TLR8: variants seen among roughly 807,000 people sequenced by gnomAD.
TLR8 encodes toll like receptor 8, also known as toll-like receptor 8.
A neutral mutation model predicts 18.5 loss-of-function variants in TLR8; 5 were observed. The ratio of observed to expected loss-of-function variants is 0.27; its 90% CI spans 0.14 to 0.57. The LOEUF (loss-of-function observed/expected upper bound fraction) is 0.57. Ranked by LOEUF, TLR8 falls within the 20% of genes least tolerant of loss-of-function variation. The pLI, the probability that TLR8 is intolerant of heterozygous loss-of-function variation, is 0.92. For synonymous variants in TLR8, 299 were observed against 300.1 expected (o/e 1.00, Z 0.04); for missense variants, 543 against 769.8 (o/e 0.71, Z 3.49).
rs770624249 is a variant in TLR8, at chrX:12,919,245, G to T, written c.205G>T (p.Asp69Tyr). The T allele has an allele frequency of 4.1e-6, 5 of 1,211,763 alleles. No individual in the cohort carries two copies. The highest frequency in any genetic ancestry group is 5.6e-6 in the Non-Finnish European group (5 of 895,491). ...QTVGKYVTEL[D>Y]LSDNFITHIT... is the part of the protein sequence containing the mutation. ...GGTGGGCAAATATGTGACAGAACTA[G>T]ACCTGTCTGATAATTTCATCACACA... The change falls in exon 2 of 2, where the codon GAC becomes TAC. Residue 69 changes from aspartate to tyrosine, a missense_variant. Physicochemically the swap from Asp to Tyr is radical, Grantham distance 160. Coordinates refer to ENST00000218032, the MANE Select transcript of TLR8 (RefSeq NM_138636.5).
intron 1 of TLR8, among the ~76,000 whole-genome samples, chrX:12,911,946 C>T (rs1369236043): frequency 2.7e-5 from 3 of 112,530 alleles, no homozygotes; most frequent in African/African-American, 9.7e-5. Flanking sequence ...TTCTTGTCAG[C>T]TGTTGTCTCC....
At position 12,922,811 on chromosome X, in the gene TLR8, T is replaced by C. The variant is rs1025857696; in HGVS notation, c.*645T>C. The C allele has an allele frequency of 1.2e-4, 14 of 112,193 alleles. No homozygotes were observed. The highest frequency in any genetic ancestry group is 4.5e-4 in the African/African-American group (14 of 30,853). 9.2% of individuals were successfully genotyped at this position (112,193 alleles called of 1,213,427 possible). Reference sequence around the variant, plus strand: ...AGGAGGCAGGGATCACTGTGGACCATCTTAGCAGTTGACCTAACACATCTT... The same window carrying C: ...AGGAGGCAGGGATCACTGTGGACCACCTTAGCAGTTGACCTAACACATCTT... On this transcript the variant is annotated 3_prime_UTR_variant, in exon 2 of 2. Transcript: ENST00000218032.
chrX:12,914,302 C>A (rs1399044612), intron 1 of TLR8, among the ~76,000 whole-genome samples: 1 of 111,475 alleles, frequency 9.0e-6, no homozygotes, highest in Non-Finnish European at 1.9e-5. Context: ...GAAAATTGTT[C>A]ATAAAACTGA....
In TLR8 at chrX:12,921,071, G is replaced by T. The variant is rs1232992427; in HGVS notation, c.2031G>T (p.Lys677Asn). ...TACATATAAATGATAATATGTTAAA[G>T]TTTTTTAACTGGACATTACTCCAGC... ...TELHINDNML[K>N]FFNWTLLQQF... Residue 677 changes from lysine to asparagine, a missense_variant, in exon 2 of 2, where the codon AAG (lysine) becomes AAT (asparagine). Around this residue, in one of 4 missense-constraint regions of TLR8, gnomAD observed 227 missense variants for 312.9 expected, o/e 0.73. Transcript: ENST00000218032. The T allele has an allele frequency of 8.3e-7, 1 of 1,211,193 alleles. No homozygotes were observed. The highest frequency in any genetic ancestry group is 2.2e-5 in the Admixed American group (1 of 45,964).
At chrX:12,913,906 C>A (rs1202579417) in intron 1 of TLR8, among the ~76,000 whole-genome samples, 1 of 112,370 alleles carries the variant, frequency 8.9e-6, no homozygotes, top group Non-Finnish European at 1.9e-5. Flanking sequence ...GGTTGAGTAT[C>A]TTTTCCTATG....
At chrX:12,918,967 C>G in intron 1 of TLR8, 77 bp from the exon 2 acceptor site, 1 of 1,050,022 alleles carries the variant, frequency 9.5e-7, no homozygotes, top group Non-Finnish European at 1.3e-6. Flanking sequence ...TATGGGGCAG[C>G]GCTGCTAATT....
chrX:12,914,777 A>G (rs755367827), intron 1 of TLR8, among the ~76,000 whole-genome samples: 1 of 112,069 alleles, frequency 8.9e-6, no homozygotes, highest in African/African-American at 3.2e-5. Context: ...GCCAGTGAAC[A>G]CTGTAGAATC....
intron 1 of TLR8, among the ~76,000 whole-genome samples, chrX:12,910,601 G>A (rs1310583224): frequency 1.8e-5 from 2 of 112,287 alleles, no homozygotes; most frequent in Non-Finnish European, 3.8e-5. Flanking sequence ...CCCTTCAGGC[G>A]AATTCTGGGT....
At chrX:12,910,303 T>C (rs1177644926) in intron 1 of TLR8, 1 of 1,140,168 alleles carries the variant, frequency 8.8e-7, no homozygotes, top group Admixed American at 3.0e-5. Context: ...TTATAATCAA[T>C]AGGTTCTCTT....
Position 12,919,908 on chromosome X carries a change from C to T in TLR8, c.868C>T (p.Arg290Ter), listed in dbSNP as rs866353276. The T allele has an allele frequency of 1.7e-6, 2 of 1,211,209 alleles. No homozygotes were observed. The highest frequency in any genetic ancestry group is 2.2e-6 in the Non-Finnish European group (2 of 895,183). The part of the protein sequence containing the change: ...RFAFQNLTQL[R>*]YLNLSSTSLR... ...TGCTTTTCAAAACTTGACCCAACTT[C>T]GATACCTAAACCTCTCTAGCACTTC... The change falls in exon 2 of 2, where the codon CGA becomes TGA. Residue 290 changes from arginine (R) to a stop codon, truncating the protein, a stop_gained. Transcript: ENST00000218032. LOFTEE classifies it low-confidence loss of function (END_TRUNC).
chrX:12,918,351 G>C (rs2043069557), intron 1 of TLR8, among the ~76,000 whole-genome samples: 1 of 111,567 alleles, frequency 9.0e-6, no homozygotes, highest in Non-Finnish European at 1.9e-5. Context: ...GTTTCATCAA[G>C]TGTCATGTCA....
In TLR8 at chrX:12,921,249, A is replaced by T. The variant is rs781506126; in HGVS notation, c.2209A>T (p.Ser737Cys). 3.3e-6 allele frequency: 4 copies of T among 1,210,009 alleles called. No homozygotes were observed. The highest frequency in any genetic ancestry group is 2.2e-5 in the Admixed American group (1 of 45,744). The change falls in exon 2 of 2, where the codon AGT becomes TGT. Residue 737 changes from serine to cysteine, a missense_variant. By Grantham distance (112) the Ser-to-Cys change is moderately radical. Transcript: ENST00000218032. ...LPSGFLSEVSSLKHLDLSSNL... is the reference protein window; with the variant it reads ...LPSGFLSEVSCLKHLDLSSNL... ...CTCTGGCTTTCTTTCTGAAGTCAGTAGTCTGAAGCACCTCGATTTAAGTTC... is the reference window on the plus strand; with the variant it reads ...CTCTGGCTTTCTTTCTGAAGTCAGTTGTCTGAAGCACCTCGATTTAAGTTC...
intron 1 of TLR8, among the ~76,000 whole-genome samples, chrX:12,909,495 G>C (rs2043006343): frequency 9.0e-6 from 1 of 111,730 alleles, no homozygotes; most frequent in South Asian, 3.8e-4. Flanking sequence ...AAGTTACAAA[G>C]AGCTGCTAGT....
rs761766983 is a variant in TLR8 at position 12,920,987 on chromosome X, T to C, written c.1947T>C (p.Asn649=). 4 of 1,211,188 alleles carry C rather than the reference T, an allele frequency of 3.3e-6. No individual in the cohort carries two copies. The highest frequency in any genetic ancestry group is 4.3e-5 in the Admixed American group (2 of 46,042). The change falls in exon 2 of 2, where the codon AAT becomes AAC. Residue 649 remains asparagine (N), a synonymous_variant. Transcript: ENST00000218032. The part of the protein sequence containing the change: ...KNLTRLDLSL[N]RLKHIPNEAF... ...TGACACGTCTGGATTTATCCCTTAA[T>C]AGGCTGAAGCACATCCCAAATGAAG...
rs1375352391 is a variant in TLR8, at chrX:12,920,190, G to A, written c.1150G>A (p.Glu384Lys). 5.8e-6 allele frequency: 7 copies of A among 1,210,688 alleles called. No homozygotes were observed. In the South Asian group the frequency reaches 1.2e-4, roughly 21 times the overall value. ...AGGTTATGTGTTCCAGGAACTCAGA[G>A]AAGATGATTTCCAGCCCCTGATGCA... ...LRGYVFQELREDDFQPLMQLP... is the reference protein window; with the variant it reads ...LRGYVFQELRKDDFQPLMQLP... Residue 384 changes from glutamate to lysine, a missense_variant, in exon 2 of 2, where the codon GAA becomes AAA. Glu to Lys is a moderately conservative substitution (Grantham distance 56, BLOSUM62 1). Coordinates refer to ENST00000218032, the MANE Select transcript of TLR8 (RefSeq NM_138636.5).
intron 1 of TLR8, 40 bp downstream of exon 1, chrX:12,906,749 A>C: frequency 9.3e-7 from 1 of 1,072,536 alleles, no homozygotes. Context: ...TTTCCAACAG[A>C]ATATGGGGTT....
At chrX:12,918,659 G>A (rs1042874240) in intron 1 of TLR8, among the ~76,000 whole-genome samples, 14 of 110,512 alleles carry the variant, frequency 1.3e-4, no homozygotes, top group Non-Finnish European at 1.9e-4. Flanking sequence ...TCAGCCTCCC[G>A]AGTAGTTGGG....
intron 1 of TLR8, among the ~76,000 whole-genome samples, chrX:12,910,860 T>G (rs751788551): frequency 3.6e-5 from 4 of 112,116 alleles, no homozygotes; most frequent in Non-Finnish European, 7.5e-5. Flanking sequence ...ACAAATGATG[T>G]ATGGAAAATA....
In TLR8 at chrX:12,915,141, A is replaced by G. The variant is rs780678043; in HGVS notation, c.4-3903A>G. Among the ~76,000 whole-genome samples the G allele has an allele frequency of 6.3e-5, 7 of 111,610 alleles. No individual in the cohort carries two copies. In the East Asian group the frequency reaches 2.0e-3, roughly 31 times the overall value. ...CATACACTTTTTAGTTGTCAATTTA[A>G]TTAATATTTTTTAAACCTACTCTGG... On this transcript the variant is annotated intron_variant, in intron 1 of 1. Coordinates refer to ENST00000218032, the MANE Select transcript of TLR8 (RefSeq NM_138636.5).
Sources: allele counts gnomAD v4.1 joint callset (sites outside exome capture counted in the v4.1 genomes callset), GRCh38; gene constraint gnomAD v4.1.1; regional missense constraint gnomAD v4.1.1; transcripts MANE v1.5; gene names NCBI Gene and HGNC (gene_info 2026-07-23, HGNC 2026-07-21).